The following ST6GALNAC5 variants were observed in gnomAD, a reference collection of about 807,000 sequenced individuals.
ST6GALNAC5 encodes the protein alpha-N-acetylgalactosaminide alpha-2,6-sialyltransferase 5.
Under a neutral mutation model 33.6 loss-of-function variants are expected in ST6GALNAC5, and 27 were observed. The observed-to-expected ratio is 0.80, with a 90% CI of 0.59 to 1.11. ST6GALNAC5 has a LOEUF of 1.11. Ranked by LOEUF, ST6GALNAC5 falls within the 50% of genes least tolerant of loss-of-function variation. The pLI, the probability that ST6GALNAC5 is intolerant of heterozygous loss-of-function variation, is 0.00. For missense variants in ST6GALNAC5, 428 were observed against 454.0 expected (o/e 0.94, Z 0.52); for synonymous variants, 194 against 171.2 (o/e 1.13, Z -1.04).
chr1:76,989,931 C>T (rs1419786128), intron 2 of ST6GALNAC5, among the ~76,000 whole-genome samples: 1 of 152,138 alleles, frequency 6.6e-6, no homozygotes, highest in Non-Finnish European at 1.5e-5. Context: ...CATGGCTGGT[C>T]TCCTACAACT....
chr1:77,044,734 G>T lies in ST6GALNAC5; in HGVS notation c.671+121G>T, dbSNP rs976114127. 3.2e-6 allele frequency: 4 copies of T among 1,252,582 alleles called. No individual in the cohort carries two copies. The South Asian group carries it at 6.5e-5, about 20-fold the overall frequency. The allele number at this position is 1,252,582 out of a possible 1,614,324, so 77.6% of individuals were successfully genotyped here. On this transcript the variant is annotated intron_variant, in intron 3 of 4. Coordinates refer to ENST00000477717, the MANE Select transcript of ST6GALNAC5 (RefSeq NM_030965.3). ...TGTGGGCTCCACTGCTCATGTCATT[G>T]CTAGAGTTCACTTGTAGGGTCCTCT...
chr1:77,015,046 C>T (rs1355933724), intron 2 of ST6GALNAC5, among the ~76,000 whole-genome samples: 2 of 112,244 alleles, frequency 1.8e-5, no homozygotes, highest in Non-Finnish European at 3.4e-5. Flanking sequence ...GACACTCGCA[C>T]ACAAACACAC....
At chr1:77,015,638 G>A (rs1421576893) in intron 2 of ST6GALNAC5, among the ~76,000 whole-genome samples, 1 of 152,176 alleles carries the variant, frequency 6.6e-6, no homozygotes, top group Non-Finnish European at 1.5e-5. Context: ...AGCTGAAGCG[G>A]TTGAAGTGGA....
intron 2 of ST6GALNAC5, among the ~76,000 whole-genome samples, chr1:76,891,293 C>T (rs1370672131): frequency 6.6e-6 from 1 of 152,136 alleles, no homozygotes. Flanking sequence ...GCCATCCTAT[C>T]AGGTATAAAG....
intron 2 of ST6GALNAC5, among the ~76,000 whole-genome samples, chr1:77,025,496 G>A (rs1651196178): frequency 6.6e-6 from 1 of 151,296 alleles, no homozygotes. Context: ...CTCCAGACTG[G>A]GCGACAGAGC....
In ST6GALNAC5 at chr1:76,868,160, G is replaced by T. The variant is rs1570621525; in HGVS notation, c.16-337G>T. Among the ~76,000 whole-genome samples, 1 of 152,148 alleles carries T rather than the reference G, an allele frequency of 6.6e-6. No individual in the cohort carries two copies. Among genetic ancestry groups the T allele is most frequent in the Non-Finnish European group, 1.5e-5 (1 of 68,026 alleles). On this transcript the variant is annotated intron_variant, in intron 1 of 4. Coordinates refer to ENST00000477717, the MANE Select transcript of ST6GALNAC5 (RefSeq NM_030965.3). This position sits in a 1 kb window ranked among gnomAD's most constrained non-coding sequence, Gnocchi z 4.3. ...CTCAAAATTCCAGCAGCTTGGCTGG[G>T]GTGGCTGCGCCAGACGGGCCCTTCC... is the stretch of plus-strand genomic sequence containing the variant.
intron 4 of ST6GALNAC5, among the ~76,000 whole-genome samples, chr1:77,058,796 T>G (rs1211275308): frequency 2.0e-5 from 3 of 152,180 alleles, no homozygotes; most frequent in Non-Finnish European, 4.4e-5. Context: ...GCAGCTTGGA[T>G]GGACAATAAG....
chr1:77,021,064 G>A (rs530872456), intron 2 of ST6GALNAC5, among the ~76,000 whole-genome samples: 7 of 152,300 alleles, frequency 4.6e-5, no homozygotes, highest in East Asian at 3.9e-4. Context: ...TCTGTTCTTC[G>A]CAGGTGAGAC....
At chr1:76,976,341 A>C (rs969342801) in intron 2 of ST6GALNAC5, among the ~76,000 whole-genome samples, 13 of 152,174 alleles carry the variant, frequency 8.5e-5, no homozygotes, top group African/African-American at 3.1e-4. Flanking sequence ...TAATTTATTT[A>C]AAATTTTCAC....
chr1:77,037,501 A>G (rs1651689447), intron 2 of ST6GALNAC5, among the ~76,000 whole-genome samples: 1 of 152,176 alleles, frequency 6.6e-6, no homozygotes, highest in Admixed American at 6.5e-5. Flanking sequence ...AGTATCACAC[A>G]TTATACCCAT....
chr1:76,924,088 TG>T (rs1402566513), intron 2 of ST6GALNAC5, among the ~76,000 whole-genome samples: 1 of 151,998 alleles, frequency 6.6e-6, no homozygotes, highest in African/African-American at 2.4e-5. Flanking sequence ...TGTGTGAGAG[TG>T]GGTGAGTGTG....
chr1:76,965,562 A>G (rs2100356047), intron 2 of ST6GALNAC5, among the ~76,000 whole-genome samples: 1 of 152,072 alleles, frequency 6.6e-6, no homozygotes, highest in Admixed American at 6.5e-5. Flanking sequence ...TATATTTCCC[A>G]TTCACTCTGA....
chr1:76,952,668 AATT>A lies in ST6GALNAC5; in HGVS notation c.261+83932_261+83934del, dbSNP rs537146711. ...CACTATGTACCCCATAAACATGTAC[AATT>A]ATTATGTGTCAATTTTTTAAAACTA... is the stretch of plus-strand genomic sequence containing the variant. On this transcript the variant is annotated intron_variant, in intron 2 of 4. Coordinates refer to ENST00000477717, the MANE Select transcript of ST6GALNAC5 (RefSeq NM_030965.3). Among the ~76,000 whole-genome samples, 268 of 152,220 alleles carry A rather than the reference AATT, an allele frequency of 1.8e-3. No homozygotes were observed. In the Middle Eastern group the frequency reaches 0.031, roughly 17 times the overall value.
intron 2 of ST6GALNAC5, among the ~76,000 whole-genome samples, chr1:76,984,643 G>A (rs182298843): frequency 3.9e-5 from 6 of 152,244 alleles, no homozygotes; most frequent in South Asian, 2.1e-4. Context: ...GAAAAAGAGG[G>A]AATCCTCCCT....
At chr1:76,942,367 G>A (rs1352336647) in intron 2 of ST6GALNAC5, among the ~76,000 whole-genome samples, 1 of 152,116 alleles carries the variant, frequency 6.6e-6, no homozygotes, top group Non-Finnish European at 1.5e-5. Flanking sequence ...AAGTGTTGAT[G>A]TTCTTTTAGG....
Position 76,868,225 on chromosome 1 carries a change from C to T in ST6GALNAC5, c.16-272C>T, listed in dbSNP as rs1282377087. 6.6e-6 allele frequency among the ~76,000 whole-genome samples: 1 copy of T among 152,066 alleles called. No homozygotes were observed. The highest frequency in any genetic ancestry group is 1.5e-5 in the Non-Finnish European group (1 of 68,002). Reference sequence around the variant, plus strand: ...CACCCCTGTCCTCGGCCCCGGCGCGCTCCCTCCCTCAGCCCGGGGCCGTAC... The same window carrying T: ...CACCCCTGTCCTCGGCCCCGGCGCGTTCCCTCCCTCAGCCCGGGGCCGTAC... On this transcript the variant is annotated intron_variant, in intron 1 of 4. Transcript: ENST00000477717. The surrounding 1 kb of genome is among the most constrained non-coding windows in gnomAD (Gnocchi z 4.3).
chr1:77,044,792 G>A (rs1651954849), intron 3 of ST6GALNAC5, among the ~76,000 whole-genome samples, 179 bp downstream of exon 3: 2 of 152,244 alleles, frequency 1.3e-5, no homozygotes, highest in South Asian at 4.1e-4. Flanking sequence ...GACTTTACAA[G>A]ACAAAGTGAA....
rs903856146 is a variant in ST6GALNAC5, at chr1:76,932,593, T to A, written c.261+63851T>A. Among the ~76,000 whole-genome samples the A allele has an allele frequency of 2.0e-5, 3 of 152,010 alleles. No homozygotes were observed. In the East Asian group the frequency reaches 5.8e-4, roughly 30 times the overall value. ...AAGGGGCATTGAGAATTTCACCAAA[T>A]CTGAAAGTAATATCATTATGAAATC... is the stretch of plus-strand genomic sequence containing the variant. On this transcript the variant is annotated intron_variant, in intron 2 of 4. Transcript: ENST00000477717.
At chr1:77,023,614 G>A (rs1651130443) in intron 2 of ST6GALNAC5, among the ~76,000 whole-genome samples, 1 of 152,220 alleles carries the variant, frequency 6.6e-6, no homozygotes, top group Non-Finnish European at 1.5e-5. Flanking sequence ...TGAAATCTCG[G>A]ACAGCTCAGA....
Sources: gnomAD v4.1 joint callset for allele counts (sites outside exome capture counted in the v4.1 genomes callset) on GRCh38, gnomAD v4.1.1 for gene constraint, Gnocchi (gnomAD v3.1) non-coding constraint, MANE v1.5 for transcripts, NCBI Gene and HGNC (gene_info 2026-07-23, HGNC 2026-07-21) for gene names.